WASHC2C: variants seen among roughly 807,000 people sequenced by gnomAD.
WASHC2C encodes the protein WASH complex subunit 2C, also known as Vaccinia Penetration Factor.
In WASHC2C, 73 loss-of-function variants were observed where a neutral mutation model predicts 142.2. The observed-to-expected ratio is 0.51, with a 90% CI of 0.43 to 0.62. WASHC2C has a LOEUF of 0.62. WASHC2C is among the 20% of genes least tolerant of loss of function. The probability of loss-of-function intolerance (pLI) is 0.00; values close to 1 mark genes in which losing one functional copy is unlikely to be tolerated. For synonymous variants in WASHC2C, 337 were observed against 565.5 expected, an observed-to-expected ratio of 0.60 and a Z score of 5.73; for missense variants, 969 against 1,531.7, an observed-to-expected ratio of 0.63 and a Z score of 6.13.
Position 45,792,671 on chromosome 10 carries a change from G to T in WASHC2C, c.*271G>T, listed in dbSNP as rs1373334523. The T allele has an allele frequency of 3.5e-5, 19 of 537,958 alleles. No homozygotes were observed. The Admixed American group carries it at 4.7e-4, about 13-fold the overall frequency. 33.3% of individuals were successfully genotyped at this position (537,958 alleles called of 1,614,324 possible). A position where few individuals can be genotyped will look rare whatever the true frequency, so the allele number is the denominator to read the frequency against. ...TTGCTGGGGCCATAATATGCTTCAG[G>T]GTGTGTAAAAGAAGAAATCTCTTTG... On this transcript the variant is annotated 3_prime_UTR_variant, in exon 31 of 31. Coordinates refer to ENST00000623400, the MANE Select transcript of WASHC2C (RefSeq NM_001330074.2).
chr10:45,775,608 A>G (rs1253734341), intron 21 of WASHC2C, among the ~76,000 whole-genome samples: 2 of 150,470 alleles, frequency 1.3e-5, no homozygotes, highest in African/African-American at 4.9e-5. Flanking sequence ...GACCTTAGTT[A>G]TATATGAAGG....
intron 23 of WASHC2C, among the ~76,000 whole-genome samples, chr10:45,784,287 T>TAC (rs1184044056): frequency 7.0e-4 from 6 of 8,524 alleles, no homozygotes; most frequent in Non-Finnish European, 9.4e-4. Context: ...TATATATATA[T>TAC]ATACACATAT....
chr10:45,727,204 G>A (rs868458144), upstream of WASHC2C: 165 of 1,483,560 alleles, frequency 1.1e-4, no homozygotes, highest in Middle Eastern at 4.9e-4. Flanking sequence ...CGTGACATCA[G>A]GTCACGTGAG....
At chr10:45,791,331 T>C (rs2058383303) in intron 30 of WASHC2C, among the ~76,000 whole-genome samples, 1 of 151,618 alleles carries the variant, frequency 6.6e-6, no homozygotes, top group Non-Finnish European at 1.5e-5. Flanking sequence ...TACATGCTTA[T>C]TGTAATAGAT....
intron 4 of WASHC2C, among the ~76,000 whole-genome samples, chr10:45,739,380 T>C (rs1421546255): frequency 3.3e-5 from 5 of 149,848 alleles, no homozygotes; most frequent in Non-Finnish European, 5.9e-5. Context: ...ACACTAAATA[T>C]TTTTCGGTAT....
chr10:45,746,699 A>G lies in WASHC2C; in HGVS notation c.732+52A>G, dbSNP rs1307706889. The G allele has an allele frequency of 2.4e-5, 38 of 1,598,278 alleles. No homozygotes were observed. The African/African-American group carries it at 4.6e-4, about 19-fold the overall frequency. ...TGTTTTTACATTTTAATTGAAGCATAGTATATATACTAAAATTACTTTGGA... is the reference window on the plus strand; with the variant it reads ...TGTTTTTACATTTTAATTGAAGCATGGTATATATACTAAAATTACTTTGGA... On this transcript the variant is annotated intron_variant, in intron 8 of 30. Coordinates refer to ENST00000623400, the MANE Select transcript of WASHC2C (RefSeq NM_001330074.2).
intron 23 of WASHC2C, among the ~76,000 whole-genome samples, chr10:45,784,244 G>GTATATATA (rs1564818848): frequency 2.6e-5 from 1 of 38,932 alleles, no homozygotes; most frequent in African/African-American, 8.1e-5. Flanking sequence ...ATATATATGT[G>GTATATATA]TGTGTGTGTA....
intron 23 of WASHC2C, among the ~76,000 whole-genome samples, chr10:45,784,264 A>ATG (rs2057776912): frequency 2.0e-4 from 1 of 5,092 alleles, no homozygotes; most frequent in African/African-American, 3.8e-4. Context: ...ATATATATAT[A>ATG]TATATATATA....
intron 18 of WASHC2C, among the ~76,000 whole-genome samples, chr10:45,765,268 G>T (rs2055655096): frequency 2.0e-5 from 3 of 150,434 alleles, no homozygotes; most frequent in Non-Finnish European, 4.4e-5. Context: ...TTCAGCCATT[G>T]TTCTGGTTTC....
At chr10:45,746,476 G>C in intron 7 of WASHC2C, 124 bp from the exon 8 acceptor site, 3 of 1,148,628 alleles carry the variant, frequency 2.6e-6, no homozygotes, top group Non-Finnish European at 2.6e-6. Flanking sequence ...CAAAGAGACT[G>C]AGTGTCAGAG....
chr10:45,785,770 T>C (rs552736612), intron 26 of WASHC2C, 139 bp downstream of exon 26: 3 of 1,499,796 alleles, frequency 2.0e-6, no homozygotes, highest in East Asian at 4.5e-5. Flanking sequence ...TTGTCTTCAC[T>C]GCACTTCCCC....
In WASHC2C at chr10:45,778,936, ATTAT is replaced by A; in HGVS notation, c.2296-14_2296-11del. 8.3e-7 allele frequency: 1 copy of A among 1,209,894 alleles called. No homozygotes were observed. Among genetic ancestry groups the A allele is most frequent in the Non-Finnish European group, 1.2e-6 (1 of 848,724 alleles). The allele number at this position is 1,209,894 out of a possible 1,614,324, so 74.9% of individuals were successfully genotyped here. A position where few individuals can be genotyped will look rare whatever the true frequency, so the allele number is the denominator to read the frequency against. The stretch of plus-strand genomic sequence containing the variant: ...CAGGTGTTACTTATTTTTTCCCCCT[ATTAT>A]TTTCATTTTCAGGAAGGACTTTTGA... On this transcript the variant is annotated splice_polypyrimidine_tract_variant and intron_variant, in intron 22 of 30. Transcript: ENST00000623400.
At chr10:45,741,022 A>G (rs1447177112) in intron 5 of WASHC2C, among the ~76,000 whole-genome samples, 1 of 151,030 alleles carries the variant, frequency 6.6e-6, no homozygotes, top group East Asian at 1.9e-4. Flanking sequence ...ATGTTGGCTC[A>G]CTGCAACCTC....
At chr10:45,757,254 A>G (rs1380245317) in intron 16 of WASHC2C, 115 bp downstream of exon 16, 8 of 1,505,390 alleles carry the variant, frequency 5.3e-6, no homozygotes, top group African/African-American at 4.2e-5. Context: ...AGAACTTCAA[A>G]CAGAAAGTGG....
At position 45,744,883 on chromosome 10, in the gene WASHC2C, G is replaced by A; in HGVS notation, c.684+1G>A. 1 of 580,608 alleles carries A rather than the reference G, an allele frequency of 1.7e-6. No individual in the cohort carries two copies. The highest frequency in any genetic ancestry group is 3.0e-6 in the Non-Finnish European group (1 of 337,226). The allele number at this position is 580,608 out of a possible 1,614,324, so 36.0% of individuals were successfully genotyped here. Reference sequence around the variant, plus strand: ...CACTGAGGAAGAGAAAGAAGAGGAGGTAAGGGCTGTTTGGTATGACCAGGT... The same window carrying A: ...CACTGAGGAAGAGAAAGAAGAGGAGATAAGGGCTGTTTGGTATGACCAGGT... On this transcript the variant is annotated splice_donor_variant, in intron 7 of 30. Transcript: ENST00000623400. LOFTEE classifies it high-confidence loss of function.
At chr10:45,784,240 ATGTGTGTGTGTG>A (rs1190490955) in intron 23 of WASHC2C, among the ~76,000 whole-genome samples, 102 of 109,708 alleles carry the variant, frequency 9.3e-4, no homozygotes, top group African/African-American at 2.0e-3. Context: ...ATATATATAT[ATGTGTGTGTGTG>A]TATATATATA....
intron 5 of WASHC2C, among the ~76,000 whole-genome samples, chr10:45,742,742 G>A (rs1444658156): frequency 1.3e-5 from 2 of 151,972 alleles, no homozygotes; most frequent in East Asian, 3.8e-4. Context: ...TATACTAGGA[G>A]GTTGTACCCT....
At chr10:45,729,951 G>A (rs1462187895) in intron 3 of WASHC2C, among the ~76,000 whole-genome samples, 2 of 151,822 alleles carry the variant, frequency 1.3e-5, no homozygotes, top group African/African-American at 4.8e-5. Flanking sequence ...GTCTTTTTTT[G>A]GAGAGCTATA....
At chr10:45,770,754 A>T (rs1448273877) in intron 20 of WASHC2C, among the ~76,000 whole-genome samples, 9 of 152,308 alleles carry the variant, frequency 5.9e-5, no homozygotes, top group African/African-American at 2.2e-4. Flanking sequence ...GAAAGTTGAT[A>T]TTAAATTCTG....
Sources: allele counts gnomAD v4.1 joint callset (sites outside exome capture counted in the v4.1 genomes callset), GRCh38; gene constraint gnomAD v4.1.1; transcripts MANE v1.5; gene names NCBI Gene and HGNC (gene_info 2026-07-23, HGNC 2026-07-21).